Variants in BMP6 observed in about 807,000 individuals in gnomAD.
BMP6 encodes VG-1-R.
A neutral mutation model predicts 54.1 loss-of-function variants in BMP6; 17 were observed. That is an observed-to-expected ratio of 0.31 (90% CI 0.22 to 0.47). BMP6 has a LOEUF of 0.47. Ranked by LOEUF, BMP6 falls within the 20% of genes least tolerant of loss-of-function variation. The pLI is 1.00. For synonymous variants in BMP6, 328 were observed against 291.2 expected (o/e 1.13, Z -1.28); for missense variants, 720 against 690.4 (o/e 1.04, Z -0.48).
At chr6:7,753,908 T>C (rs1757468891) in intron 1 of BMP6, among the ~76,000 whole-genome samples, 1 of 152,222 alleles carries the variant, frequency 6.6e-6, no homozygotes, top group Non-Finnish European at 1.5e-5. Flanking sequence ...GATTTACTGA[T>C]TTCTAGTTTA....
At chr6:7,841,110 C>T (rs1489356125) in intron 1 of BMP6, among the ~76,000 whole-genome samples, 4 of 152,170 alleles carry the variant, frequency 2.6e-5, no homozygotes, top group Non-Finnish European at 4.4e-5. Context: ...TAGATTGTGT[C>T]ACCTAATCTT....
At chr6:7,814,731 T>A (rs927283351) in intron 1 of BMP6, among the ~76,000 whole-genome samples, 4 of 152,130 alleles carry the variant, frequency 2.6e-5, no homozygotes, top group Non-Finnish European at 5.9e-5. Context: ...TGTCTTGGTC[T>A]CCTCAATCAG....
intron 1 of BMP6, among the ~76,000 whole-genome samples, chr6:7,776,083 G>A (rs890349585): frequency 6.6e-6 from 1 of 152,162 alleles, no homozygotes; most frequent in Non-Finnish European, 1.5e-5. Context: ...GATGATGTTT[G>A]TTTTATAAGC....
intron 1 of BMP6, among the ~76,000 whole-genome samples, chr6:7,843,271 A>T (rs528091391): frequency 6.6e-6 from 1 of 151,640 alleles, no homozygotes; most frequent in South Asian, 2.1e-4. Context: ...CTCAAAATAA[A>T]AAAAAAAAAG....
chr6:7,794,483 C>A (rs905212845), intron 1 of BMP6, among the ~76,000 whole-genome samples: 2 of 151,674 alleles, frequency 1.3e-5, no homozygotes, highest in Non-Finnish European at 2.9e-5. Context: ...GCCTTTAGAC[C>A]CAGCTCCTCC....
At chr6:7,876,622 A>C (rs565527248) in intron 4 of BMP6, among the ~76,000 whole-genome samples, 2 of 152,330 alleles carry the variant, frequency 1.3e-5, no homozygotes, top group South Asian at 4.1e-4. Flanking sequence ...TAATTTGATG[A>C]TTATCTGTTT....
In BMP6 at chr6:7,763,613, C is replaced by T. The variant is rs1026661443; in HGVS notation, c.664+35994C>T. On this transcript the variant is annotated intron_variant, in intron 1 of 6. Coordinates refer to ENST00000283147, the MANE Select transcript of BMP6 (RefSeq NM_001718.6). ...AGTGTGGTTTGTGGGTGTTGACATT[C>T]GGGTTTGTCCTATCATGGCTGGGCA... Among the ~76,000 whole-genome samples, 4 of 152,104 alleles carry T rather than the reference C, an allele frequency of 2.6e-5. No individual in the cohort carries two copies. In the South Asian group the frequency reaches 8.3e-4, roughly 32 times the overall value.
At chr6:7,763,810 A>G (rs775579614) in intron 1 of BMP6, among the ~76,000 whole-genome samples, 1 of 152,210 alleles carries the variant, frequency 6.6e-6, no homozygotes, top group Non-Finnish European at 1.5e-5. Context: ...AGCAAATAAT[A>G]CAAGTTTGCC....
chr6:7,813,955 C>CT (rs1758485103), intron 1 of BMP6, among the ~76,000 whole-genome samples: 1 of 152,180 alleles, frequency 6.6e-6, no homozygotes, highest in Admixed American at 6.5e-5. Context: ...CCAATCCTTC[C>CT]TTTCAGGTTG....
At chr6:7,839,873 T>C (rs1758939450) in intron 1 of BMP6, among the ~76,000 whole-genome samples, 1 of 152,252 alleles carries the variant, frequency 6.6e-6, no homozygotes, top group Non-Finnish European at 1.5e-5. Context: ...GTTTGAGGAA[T>C]TGCCACACTA....
At chr6:7,821,160 T>C (rs1337027344) in intron 1 of BMP6, among the ~76,000 whole-genome samples, 1 of 152,218 alleles carries the variant, frequency 6.6e-6, no homozygotes, top group African/African-American at 2.4e-5. Flanking sequence ...TCAGCCTTCT[T>C]GAGCTGAATA....
At chr6:7,859,594 G>A (rs1245726218) in intron 2 of BMP6, among the ~76,000 whole-genome samples, 1 of 152,140 alleles carries the variant, frequency 6.6e-6, no homozygotes, top group Non-Finnish European at 1.5e-5. Context: ...TGACCTTCCA[G>A]AACAGAATTG....
chr6:7,879,410 C>T (rs1156469224), intron 5 of BMP6, among the ~76,000 whole-genome samples: 3 of 152,178 alleles, frequency 2.0e-5, no homozygotes, highest in African/African-American at 4.8e-5. Flanking sequence ...AGCCACATTT[C>T]CCAATATTCT....
intron 4 of BMP6, among the ~76,000 whole-genome samples, chr6:7,875,039 T>A (rs903234668): frequency 1.3e-5 from 2 of 151,942 alleles, no homozygotes; most frequent in African/African-American, 2.4e-5. Context: ...GGAAAGCTGG[T>A]GGTGTAATTC....
At chr6:7,782,331 T>C (rs1174919407) in intron 1 of BMP6, among the ~76,000 whole-genome samples, 1 of 152,042 alleles carries the variant, frequency 6.6e-6, no homozygotes, top group Non-Finnish European at 1.5e-5. Context: ...CAGAGGGGGA[T>C]TGTTGAATAG....
intron 1 of BMP6, among the ~76,000 whole-genome samples, chr6:7,829,092 C>T (rs937813181): frequency 2.0e-5 from 3 of 152,220 alleles, no homozygotes; most frequent in African/African-American, 7.2e-5. Context: ...AAAACTTGAA[C>T]ATTTCCTTAA....
chr6:7,842,685 C>CGT (rs1758995559), intron 1 of BMP6, among the ~76,000 whole-genome samples: 1 of 152,216 alleles, frequency 6.6e-6, no homozygotes, highest in Non-Finnish European at 1.5e-5. Context: ...AGACCACCCA[C>CGT]GGGCATAGAT....
chr6:7,869,641 T>G (rs755240278), intron 4 of BMP6, among the ~76,000 whole-genome samples: 7 of 152,170 alleles, frequency 4.6e-5, no homozygotes, highest in Non-Finnish European at 8.8e-5. Context: ...CACTGTCACA[T>G]GGGCCCCGGC....
chr6:7,739,527 TA>T (rs1282083802), intron 1 of BMP6, among the ~76,000 whole-genome samples: 1 of 152,178 alleles, frequency 6.6e-6, no homozygotes, highest in Non-Finnish European at 1.5e-5. Flanking sequence ...TGCAGATACA[TA>T]AAAGTTCTTA....
Sources: allele counts gnomAD v4.1 joint callset (sites outside exome capture counted in the v4.1 genomes callset), GRCh38; gene constraint gnomAD v4.1.1; transcripts MANE v1.5; gene names NCBI Gene and HGNC (gene_info 2026-07-23, HGNC 2026-07-21).